Variants in CHEK2 observed in about 807,000 individuals in gnomAD.
The protein encoded by CHEK2 is serine/threonine-protein kinase Chk2.
In CHEK2, 71 loss-of-function variants were observed where a neutral mutation model predicts 69.1. That is an observed-to-expected ratio of 1.03 (90% CI 0.85 to 1.25). The LOEUF (loss-of-function observed/expected upper bound fraction) is 1.25. Ranked by LOEUF, CHEK2 falls within the 50% of genes most tolerant of loss-of-function variation. CHEK2 has a pLI of 0.00. For missense variants in CHEK2, 664 were observed against 649.6 expected (o/e 1.02, Z -0.24); for synonymous variants, 189 against 226.9 (o/e 0.83, Z 1.50).
rs876661053 is a variant in CHEK2 at position 28,699,926 on chromosome 22, C to T, written c.920G>A (p.Gly307Glu). 3 of 1,613,582 alleles carry T rather than the reference C, an allele frequency of 1.9e-6. No homozygotes were observed. The highest frequency in any genetic ancestry group is 2.5e-6 in the Non-Finnish European group (3 of 1,179,582). The part of the protein sequence containing the change: ...YYIVLELMEG[G>E]ELFDKVVGNK... Reference sequence around the variant, plus strand: ...CCCCACCACTTTGTCAAACAGCTCTCCCCCTTCCATCCTGAAACACAAAGG... The same window carrying T: ...CCCCACCACTTTGTCAAACAGCTCTTCCCCTTCCATCCTGAAACACAAAGG... The change falls in exon 9 of 15, where the codon GGA becomes GAA. Residue 307 changes from glycine (G) to glutamate (E), a missense_variant. Gly to Glu is a moderately conservative substitution (Grantham distance 98). Coordinates refer to ENST00000404276, the MANE Select transcript of CHEK2 (RefSeq NM_007194.4).
At chr22:28,702,135 C>CTCTGTG (rs1304194023) in intron 8 of CHEK2, among the ~76,000 whole-genome samples, 1 of 140,314 alleles carries the variant, frequency 7.1e-6, no homozygotes, top group South Asian at 2.4e-4. Context: ...GTGTGTGTGT[C>CTCTGTG]TGTGTGTGTG....
At chr22:28,706,261 AGTGTGCTCTAGCCTG>A (rs1354932023) in intron 7 of CHEK2, among the ~76,000 whole-genome samples, 16 of 151,640 alleles carry the variant, frequency 1.1e-4, no homozygotes, top group Admixed American at 7.9e-4. Flanking sequence ...AGATCACACC[AGTGTGCTCTAGCCTG>A]GCAACAGAGC....
chr22:28,713,645 C>T (rs146874872), intron 5 of CHEK2, among the ~76,000 whole-genome samples: 44 of 151,828 alleles, frequency 2.9e-4, no homozygotes, highest in African/African-American at 9.9e-4. Flanking sequence ...CGTGAGCCAC[C>T]GCACTCGGCC....
chr22:28,736,392 C>T (rs1018137514), intron 1 of CHEK2, among the ~76,000 whole-genome samples: 9 of 152,206 alleles, frequency 5.9e-5, no homozygotes, highest in African/African-American at 2.2e-4. Flanking sequence ...AAGTGAAACA[C>T]ACCTGTTCGT....
chr22:28,715,179 G>A (rs1175605527), intron 5 of CHEK2, among the ~76,000 whole-genome samples: 5 of 152,112 alleles, frequency 3.3e-5, no homozygotes, highest in Admixed American at 2.6e-4. Context: ...TCATTCTGCA[G>A]CCCCTGGTAG....
chr22:28,706,973 G>C (rs1354524654), intron 7 of CHEK2, among the ~76,000 whole-genome samples: 2 of 152,056 alleles, frequency 1.3e-5, no homozygotes, highest in African/African-American at 4.8e-5. Flanking sequence ...ATATAGAAAA[G>C]GAACGGAGAG....
At chr22:28,699,783 G>A (rs571141836) in intron 9 of CHEK2, 55 bp downstream of exon 9, 1 of 1,160,224 alleles carries the variant, frequency 8.6e-7, no homozygotes, top group Non-Finnish European at 1.3e-6. Context: ...CTAATTCAGG[G>A]AGTAATTCAA....
chr22:28,698,206 C>G (rs2052666981), intron 9 of CHEK2, among the ~76,000 whole-genome samples: 1 of 113,322 alleles, frequency 8.8e-6, no homozygotes, highest in South Asian at 3.4e-4. Flanking sequence ...GCCTGGCCAA[C>G]ATGGTGAAAC....
chr22:28,737,072 A>T (rs1015503635), intron 1 of CHEK2, among the ~76,000 whole-genome samples: 1 of 152,146 alleles, frequency 6.6e-6, no homozygotes, highest in Non-Finnish European at 1.5e-5. Flanking sequence ...TTCCTCCCCA[A>T]ACTCAGGCTA....
chr22:28,701,552 G>A (rs902215079), intron 8 of CHEK2, among the ~76,000 whole-genome samples: 2 of 152,120 alleles, frequency 1.3e-5, no homozygotes, highest in Non-Finnish European at 2.9e-5. Flanking sequence ...GCATAGATAC[G>A]ATTTGCCAAC....
intron 1 of CHEK2, among the ~76,000 whole-genome samples, chr22:28,739,461 G>A (rs1350374855): frequency 8.5e-5 from 13 of 152,088 alleles, no homozygotes; most frequent in Admixed American, 2.6e-4. Context: ...AGGCGGAGGC[G>A]GGCAGATCAC....
At chr22:28,693,948 C>T (rs1459746564) in intron 13 of CHEK2, 84 bp downstream of exon 13, 6 of 872,128 alleles carry the variant, frequency 6.9e-6, no homozygotes, top group Admixed American at 3.4e-5. Context: ...ACAAAGTAAA[C>T]ATGTTTCTGT....
At position 28,699,932 on chromosome 22, in the gene CHEK2, T is replaced by A; in HGVS notation, c.914A>T (p.Glu305Val). The part of the protein sequence containing the change: ...EDYYIVLELM[E>V]GGELFDKVVG... ...CACTTTGTCAAACAGCTCTCCCCCT[T>A]CCATCCTGAAACACAAAGGCAAGGC... Residue 305 changes from glutamate to valine, a missense_variant, in exon 9 of 15, where the codon GAA becomes GTA. Transcript: ENST00000404276. 6.2e-7 allele frequency: 1 copy of A among 1,612,856 alleles called. No individual in the cohort carries two copies. Among genetic ancestry groups the A allele is most frequent in the Non-Finnish European group, 8.5e-7 (1 of 1,179,186 alleles).
chr22:28,704,829 G>T (rs2053046019), intron 7 of CHEK2, among the ~76,000 whole-genome samples: 1 of 152,094 alleles, frequency 6.6e-6, no homozygotes, highest in African/African-American at 2.4e-5. Flanking sequence ...TTGCCAGATT[G>T]ATCTTCCCAT....
chr22:28,687,792 A>G lies in CHEK2; in HGVS notation c.*105T>C. On this transcript the variant is annotated 3_prime_UTR_variant, in exon 15 of 15. Coordinates refer to ENST00000404276, the MANE Select transcript of CHEK2 (RefSeq NM_007194.4). ...GTACATCAGTGACTGTGAAAAAGCAATTATTCCCATAATTAAAATACAAAC... is the reference window on the plus strand; with the variant it reads ...GTACATCAGTGACTGTGAAAAAGCAGTTATTCCCATAATTAAAATACAAAC... The G allele has an allele frequency of 1.4e-5, 13 of 935,748 alleles. No individual in the cohort carries two copies. In the South Asian group the frequency reaches 1.7e-4, roughly 12 times the overall value. The allele number at this position is 935,748 out of a possible 1,614,324, so 58.0% of individuals were successfully genotyped here.
intron 2 of CHEK2, among the ~76,000 whole-genome samples, chr22:28,728,302 T>C (rs556356065): frequency 5.3e-5 from 8 of 152,190 alleles, no homozygotes; most frequent in African/African-American, 1.4e-4. Context: ...AAAAGAATAA[T>C]TGAACAATTG....
At chr22:28,710,080 G>A (rs757488327) in intron 6 of CHEK2, 21 bp from the exon 7 acceptor site, 3 of 1,457,592 alleles carry the variant, frequency 2.1e-6, no homozygotes, top group African/African-American at 2.8e-5. Flanking sequence ...CAGAATAACA[G>A]AGTTTATTAG....
At chr22:28,704,897 C>A (rs192673557) in intron 7 of CHEK2, among the ~76,000 whole-genome samples, 5 of 152,206 alleles carry the variant, frequency 3.3e-5, no homozygotes, top group African/African-American at 1.2e-4. Context: ...TCCAATGGAA[C>A]CTTCCCACAA....
At chr22:28,704,215 C>CT (rs2053017156) in intron 7 of CHEK2, among the ~76,000 whole-genome samples, 1 of 151,598 alleles carries the variant, frequency 6.6e-6, no homozygotes, top group South Asian at 2.1e-4. Context: ...ATGGAGAACA[C>CT]TGAGGGTAAG....
Sources: allele counts gnomAD v4.1 joint callset (sites outside exome capture counted in the v4.1 genomes callset), GRCh38; gene constraint gnomAD v4.1.1; transcripts MANE v1.5; gene names NCBI Gene and HGNC (gene_info 2026-07-23, HGNC 2026-07-21).